The following PARD3B variants were observed in gnomAD, a reference collection of about 807,000 sequenced individuals.
The protein encoded by PARD3B is partitioning defective 3 homolog B.
PARD3B carries 103 observed loss-of-function variants against 130.2 expected under a neutral mutation model. The observed-to-expected ratio is 0.79, with a 90% CI of 0.67 to 0.93. The LOEUF (loss-of-function observed/expected upper bound fraction) is 0.93. Ranked by LOEUF, PARD3B falls within the 40% of genes least tolerant of loss-of-function variation. PARD3B has a pLI of 0.00. For synonymous variants in PARD3B, 583 were observed against 553.2 expected, an observed-to-expected ratio of 1.05 and a Z score of -0.76; for missense variants, 1,609 against 1,499.2, an observed-to-expected ratio of 1.07 and a Z score of -1.21.
intron 11 of PARD3B, among the ~76,000 whole-genome samples, chr2:205,165,870 A>G (rs1384079088): frequency 6.6e-6 from 1 of 152,182 alleles, no homozygotes; most frequent in East Asian, 1.9e-4. Context: ...GAATTACATA[A>G]ATTTAAATTT....
At chr2:204,607,730 A>G (rs910024498) in intron 1 of PARD3B, among the ~76,000 whole-genome samples, 7 of 152,148 alleles carry the variant, frequency 4.6e-5, no homozygotes, top group Non-Finnish European at 7.4e-5. Context: ...GTGCCCAGAG[A>G]ACTGGAGTTA....
At chr2:204,731,925 T>G (rs2039526466) in intron 2 of PARD3B, among the ~76,000 whole-genome samples, 1 of 152,110 alleles carries the variant, frequency 6.6e-6, no homozygotes, top group South Asian at 2.1e-4. Context: ...AACACCCGTT[T>G]TAGCTCATCA....
intron 15 of PARD3B, among the ~76,000 whole-genome samples, chr2:205,232,033 C>T (rs2038862614): frequency 1.3e-5 from 2 of 152,336 alleles, no homozygotes; most frequent in South Asian, 4.1e-4. Context: ...AGGCCATTGC[C>T]TCTGTTGTAC....
At chr2:205,544,877 C>G (rs2052318250) in intron 21 of PARD3B, among the ~76,000 whole-genome samples, 1 of 152,162 alleles carries the variant, frequency 6.6e-6, no homozygotes, top group African/African-American at 2.4e-5. Context: ...AAGGGACTTC[C>G]AGGATGTCTG....
rs529091723 is a variant in PARD3B, at chr2:204,816,193, A to G, written c.222+129911A>G. ...GCATGTTTCAGTTTCTGTCCTTCTG[A>G]TCATTGTGCTATTGTTGTCGTACGT... On this transcript the variant is annotated intron_variant, in intron 2 of 22. Coordinates refer to ENST00000406610, the MANE Select transcript of PARD3B (RefSeq NM_001302769.2). Among the ~76,000 whole-genome samples, 12 of 152,050 alleles carry G rather than the reference A, an allele frequency of 7.9e-5. No individual in the cohort carries two copies. In the East Asian group the frequency reaches 2.1e-3, roughly 27 times the overall value.
At chr2:204,883,373 CT>C (rs908695228) in intron 2 of PARD3B, among the ~76,000 whole-genome samples, 4 of 119,634 alleles carry the variant, frequency 3.3e-5, no homozygotes, top group Admixed American at 1.7e-4. Flanking sequence ...ACTATATTTT[CT>C]TTTTTTATTT....
At chr2:204,591,419 T>C (rs2033068870) in intron 1 of PARD3B, among the ~76,000 whole-genome samples, 1 of 152,248 alleles carries the variant, frequency 6.6e-6, no homozygotes, top group African/African-American at 2.4e-5. Flanking sequence ...ATACCAGCTT[T>C]TTTCCAGATG....
intron 18 of PARD3B, among the ~76,000 whole-genome samples, chr2:205,377,021 C>G (rs1216308124): frequency 1.3e-5 from 2 of 152,142 alleles, no homozygotes; most frequent in Non-Finnish European, 2.9e-5. Flanking sequence ...CTAATGTTAA[C>G]TGAGCACCAA....
At chr2:205,424,500 C>T (rs528555582) in intron 19 of PARD3B, among the ~76,000 whole-genome samples, 2 of 152,136 alleles carry the variant, frequency 1.3e-5, no homozygotes, top group Non-Finnish European at 2.9e-5. Flanking sequence ...GCTGTGTGGA[C>T]AGCCGTGATC....
chr2:205,380,166 ATATT>A (rs1453358893), intron 18 of PARD3B, among the ~76,000 whole-genome samples: 36 of 89,954 alleles, frequency 4.0e-4, no homozygotes, highest in South Asian at 1.5e-3. Flanking sequence ...TAAAGAATAT[ATATT>A]ATATAATATG....
chr2:205,025,224 T>C (rs1575581385), intron 3 of PARD3B, among the ~76,000 whole-genome samples: 1 of 152,282 alleles, frequency 6.6e-6, no homozygotes, highest in East Asian at 1.9e-4. Flanking sequence ...CTCACGGCTA[T>C]TAGTCAGGAG....
At chr2:204,569,371 T>A (rs997597210) in intron 1 of PARD3B, among the ~76,000 whole-genome samples, 8 of 152,216 alleles carry the variant, frequency 5.3e-5, no homozygotes, top group African/African-American at 1.9e-4. Context: ...ATTCAGATAG[T>A]AGATTTGGAT....
chr2:204,787,217 C>G (rs943152014), intron 2 of PARD3B, among the ~76,000 whole-genome samples: 1 of 134,076 alleles, frequency 7.5e-6, no homozygotes, highest in African/African-American at 3.0e-5. Context: ...GCATGTTTGA[C>G]TTGCTGCCCC....
In PARD3B at chr2:205,183,973, T is replaced by C. The variant is rs1469069485; in HGVS notation, c.1925-1791T>C. The stretch of plus-strand genomic sequence containing the variant: ...CTTGAGACTCAGGAAGAACTGATGT[T>C]TCCGTTTGGGTCTGAAGATAGAAAA... On this transcript the variant is annotated intron_variant, in intron 13 of 22. Transcript: ENST00000406610. The surrounding 1 kb of genome is among the most constrained non-coding windows in gnomAD (Gnocchi z 5.2). 6.6e-6 allele frequency among the ~76,000 whole-genome samples: 1 copy of C among 151,232 alleles called. No individual in the cohort carries two copies. The highest frequency in any genetic ancestry group is 6.6e-5 in the Admixed American group (1 of 15,196).
At chr2:204,940,578 G>A (rs1414802083) in intron 2 of PARD3B, among the ~76,000 whole-genome samples, 2 of 151,946 alleles carry the variant, frequency 1.3e-5, no homozygotes, top group Admixed American at 6.6e-5. Context: ...TTGTAGAAAG[G>A]CAATTCTAAG....
chr2:205,231,344 T>G (rs1257322696), intron 15 of PARD3B, among the ~76,000 whole-genome samples: 2 of 151,146 alleles, frequency 1.3e-5, no homozygotes, highest in Non-Finnish European at 2.9e-5. Context: ...TTTTTTTTTT[T>G]GAGACAAGGT....
rs565354838 is a variant in PARD3B at position 204,887,670 on chromosome 2, G to A, written c.223-77482G>A. Reference sequence around the variant, plus strand: ...AACAGAGCACTATTCTATATGCAGCGCCATTTCATACCCTTTGGGTATTTT... The same window carrying A: ...AACAGAGCACTATTCTATATGCAGCACCATTTCATACCCTTTGGGTATTTT... On this transcript the variant is annotated intron_variant, in intron 2 of 22. Coordinates refer to ENST00000406610, the MANE Select transcript of PARD3B (RefSeq NM_001302769.2). This position sits in a 1 kb window ranked among gnomAD's most constrained non-coding sequence, Gnocchi z 4.2. Among the ~76,000 whole-genome samples, 8 of 152,006 alleles carry A rather than the reference G, an allele frequency of 5.3e-5. No individual in the cohort carries two copies. Among genetic ancestry groups the A allele is most frequent in the African/African-American group, 1.4e-4 (6 of 41,380 alleles).
chr2:204,712,073 T>G (rs1202800970), intron 2 of PARD3B, among the ~76,000 whole-genome samples: 2 of 152,148 alleles, frequency 1.3e-5, no homozygotes, highest in Non-Finnish European at 2.9e-5. Context: ...TATGATGAAT[T>G]TACACTGTAT....
intron 16 of PARD3B, among the ~76,000 whole-genome samples, chr2:205,272,907 C>T (rs549685436): frequency 5.9e-5 from 9 of 152,224 alleles, no homozygotes; most frequent in Middle Eastern, 3.4e-3. Context: ...GGTTGCTACT[C>T]CAAAGTCAGG....
Sources: allele counts gnomAD v4.1 joint callset (sites outside exome capture counted in the v4.1 genomes callset), GRCh38; gene constraint gnomAD v4.1.1; non-coding constraint Gnocchi (gnomAD v3.1); transcripts MANE v1.5; gene names NCBI Gene and HGNC (gene_info 2026-07-23, HGNC 2026-07-21).